The following RCC2 variants were observed in gnomAD, a reference collection of about 807,000 sequenced individuals.
RCC2 encodes the protein protein RCC2.
A neutral mutation model predicts 64.1 loss-of-function variants in RCC2; 19 were observed. That is an observed-to-expected ratio of 0.30 (90% CI 0.21 to 0.44). The LOEUF is 0.44. RCC2 is among the 20% of genes least tolerant of loss of function. The pLI is 1.00. For synonymous variants in RCC2, 325 were observed against 279.6 expected (o/e 1.16, Z -1.62); for missense variants, 508 against 710.4 (o/e 0.72, Z 3.24).
At chr1:17,412,092 T>G (rs1314895996) in intron 11 of RCC2, 30 bp downstream of exon 11, 1 of 1,611,404 alleles carries the variant, frequency 6.2e-7, no homozygotes, top group Non-Finnish European at 8.5e-7. Context: ...TGGCTTCCAC[T>G]TCCCCTGACC....
intron 3 of RCC2, among the ~76,000 whole-genome samples, chr1:17,427,606 C>A (rs1315744863): frequency 6.6e-6 from 1 of 152,182 alleles, no homozygotes; most frequent in African/African-American, 2.4e-5. Flanking sequence ...AGTATCATCA[C>A]GACCCTGTGC....
Position 17,416,664 on chromosome 1 carries a change from C to G in RCC2, c.860-18G>C, listed in dbSNP as rs747072992. On this transcript the variant is annotated intron_variant, in intron 7 of 12. Coordinates refer to ENST00000375436, the MANE Select transcript of RCC2 (RefSeq NM_018715.4). ...GTTGTGTCCTGTAGAGACCACAGAG[C>G]CGGCCATCAGCAGCAGCACAAGCAC... 6.3e-7 allele frequency: 1 copy of G among 1,596,668 alleles called. No homozygotes were observed. Among genetic ancestry groups the G allele is most frequent in the South Asian group, 1.1e-5 (1 of 89,958 alleles).
chr1:17,416,703 GT>G (rs745678479), intron 7 of RCC2, 57 bp from the exon 8 acceptor site: 207 of 1,553,882 alleles, frequency 1.3e-4, no homozygotes, highest in Non-Finnish European at 1.7e-4. Flanking sequence ...GGACGTGTCA[GT>G]GTGCTCACAC....
At chr1:17,432,413 G>A (rs2075691692) in intron 2 of RCC2, among the ~76,000 whole-genome samples, 1 of 152,236 alleles carries the variant, frequency 6.6e-6, no homozygotes, top group Non-Finnish European at 1.5e-5. Flanking sequence ...GACCCAGGAA[G>A]GGTGCTAAGG....
In RCC2 at chr1:17,407,190, A is replaced by C. The variant is rs2075369874; in HGVS notation, c.*1900T>G. 1 of 152,032 alleles carries C rather than the reference A, an allele frequency of 6.6e-6. No individual in the cohort carries two copies. The highest frequency in any genetic ancestry group is 2.1e-4 in the South Asian group (1 of 4,812). The allele number at this position is 152,032 out of a possible 1,614,324, so 9.4% of individuals were successfully genotyped here. On this transcript the variant is annotated 3_prime_UTR_variant, in exon 13 of 13. Coordinates refer to ENST00000375436, the MANE Select transcript of RCC2 (RefSeq NM_018715.4). ...CTGGCTGCCACGTTTACATGAGGCC[A>C]CCGAAGATCTAAGTCCAGCTAAGCC...
chr1:17,428,560 G>A (rs1322932152), intron 3 of RCC2, among the ~76,000 whole-genome samples: 2 of 152,180 alleles, frequency 1.3e-5, no homozygotes, highest in Non-Finnish European at 2.9e-5. Context: ...TCCTTCTCCT[G>A]GATGGGCCTT....
At chr1:17,420,274 G>C (rs184529832) in intron 7 of RCC2, among the ~76,000 whole-genome samples, 1 of 152,302 alleles carries the variant, frequency 6.6e-6, no homozygotes, top group African/African-American at 2.4e-5. Context: ...TGACGCACGG[G>C]GAGGGGGTCC....
intron 4 of RCC2, among the ~76,000 whole-genome samples, chr1:17,423,506 T>A (rs2100374838): frequency 6.6e-6 from 1 of 152,306 alleles, no homozygotes; most frequent in Admixed American, 6.5e-5. Flanking sequence ...CCTGTATCTG[T>A]GAATTCCAGC....
At chr1:17,438,079 G>A (rs1368814766) in intron 2 of RCC2, 151 bp downstream of exon 2, 7 of 395,250 alleles carry the variant, frequency 1.8e-5, no homozygotes, top group South Asian at 2.2e-4. Context: ...CGGAGGCGGA[G>A]GCAATGATTC....
At chr1:17,414,427 G>A (rs2075458522) in intron 8 of RCC2, among the ~76,000 whole-genome samples, 2 of 151,784 alleles carry the variant, frequency 1.3e-5, no homozygotes, top group Admixed American at 1.3e-4. Context: ...CTACTCAGGA[G>A]GCTGAGACAG....
intron 8 of RCC2, among the ~76,000 whole-genome samples, chr1:17,414,552 C>CAAA (rs58463475): frequency 3.5e-5 from 4 of 113,578 alleles, no homozygotes; most frequent in Non-Finnish European, 5.7e-5. Flanking sequence ...CAAAACGAAA[C>CAAA]AAAAAAAAAA....
At chr1:17,426,887 C>CA (rs2075623256) in intron 3 of RCC2, among the ~76,000 whole-genome samples, 1 of 151,348 alleles carries the variant, frequency 6.6e-6, no homozygotes, top group South Asian at 2.1e-4. Context: ...CTCAGCCTCA[C>CA]GAGTAACTGG....
chr1:17,416,398 A>C (rs1282315049), intron 8 of RCC2, 82 bp downstream of exon 8: 1 of 1,472,378 alleles, frequency 6.8e-7, no homozygotes, highest in African/African-American at 1.4e-5. Context: ...TCCTAGCCAA[A>C]GCCAAGCGTC....
chr1:17,430,660 C>T (rs1297798254), intron 2 of RCC2, among the ~76,000 whole-genome samples: 2 of 152,012 alleles, frequency 1.3e-5, no homozygotes, highest in Admixed American at 6.5e-5. Flanking sequence ...TGGTGGCATC[C>T]GCCTGTCGTC....
At chr1:17,431,951 T>A (rs2075686004) in intron 2 of RCC2, among the ~76,000 whole-genome samples, 1 of 151,794 alleles carries the variant, frequency 6.6e-6, no homozygotes, top group Non-Finnish European at 1.5e-5. Context: ...ATACAAAAAA[T>A]TAGCCGGGTG....
intron 2 of RCC2, among the ~76,000 whole-genome samples, chr1:17,434,274 G>A (rs1012231963): frequency 2.0e-5 from 3 of 152,184 alleles, no homozygotes; most frequent in African/African-American, 7.2e-5. Flanking sequence ...GGGACTTTCA[G>A]CCCCATCCTC....
chr1:17,412,998 GGGCACCCCATGGGTGTGTCT>G, intron 10 of RCC2, 55 bp downstream of exon 10: 1 of 1,087,436 alleles, frequency 9.2e-7, no homozygotes, highest in Non-Finnish European at 1.4e-6. Flanking sequence ...CATCAGGGAG[GGGCACCCCATGGGTGTGTCT>G]GACACCCCCA....
At chr1:17,418,213 ATT>A (rs751372153) in intron 7 of RCC2, among the ~76,000 whole-genome samples, 2,423 of 128,684 alleles carry the variant, frequency 0.019, 56 homozygotes, top group African/African-American at 0.065. Flanking sequence ...AGCAGGTTCT[ATT>A]TTTTTTTTTT....
At chr1:17,426,116 C>T (rs1349118427) in intron 3 of RCC2, among the ~76,000 whole-genome samples, 5 of 152,094 alleles carry the variant, frequency 3.3e-5, no homozygotes, top group Non-Finnish European at 7.4e-5. Flanking sequence ...CAGGAAACCC[C>T]GCTCACCCTG....
Sources: gnomAD v4.1 joint callset for allele counts (sites outside exome capture counted in the v4.1 genomes callset) on GRCh38, gnomAD v4.1.1 for gene constraint, MANE v1.5 for transcripts, NCBI Gene and HGNC (gene_info 2026-07-23, HGNC 2026-07-21) for gene names.